Variants in NMNAT1 observed in about 807,000 individuals in gnomAD.
The protein encoded by NMNAT1 is nicotinamide/nicotinic acid mononucleotide adenylyltransferase 1.
Under a neutral mutation model 16.7 loss-of-function variants are expected in NMNAT1, and 11 were observed. The ratio of observed to expected loss-of-function variants is 0.66; its 90% CI spans 0.41 to 1.09. The LOEUF is 1.09. Ranked by LOEUF, NMNAT1 falls within the 50% of genes least tolerant of loss-of-function variation. The pLI, the probability that NMNAT1 is intolerant of heterozygous loss-of-function variation, is 0.00. For synonymous variants in NMNAT1, 110 were observed against 119.8 expected, an observed-to-expected ratio of 0.92 and a Z score of 0.53; for missense variants, 280 against 332.3, an observed-to-expected ratio of 0.84 and a Z score of 1.22.
intron 1 of NMNAT1, among the ~76,000 whole-genome samples, chr1:9,964,874 G>A (rs1348905759): frequency 6.7e-6 from 1 of 149,502 alleles, no homozygotes; most frequent in Non-Finnish European, 1.5e-5. Flanking sequence ...CTTGAGCCAG[G>A]GAGGTAGAGG....
chr1:9,971,947 G>A (rs1032161100), intron 1 of NMNAT1, 71 bp from the exon 2 acceptor site: 2 of 663,488 alleles, frequency 3.0e-6, no homozygotes, highest in Non-Finnish European at 5.5e-6. Context: ...TCTAGCCAGG[G>A]TGGCAGAGCA....
At chr1:9,972,760 C>A (rs1286311708) in intron 2 of NMNAT1, among the ~76,000 whole-genome samples, 2 of 152,044 alleles carry the variant, frequency 1.3e-5, no homozygotes, top group African/African-American at 4.8e-5. Flanking sequence ...GAGTTTGAGA[C>A]CAACCTGGGA....
chr1:9,974,208 T>A (rs1377988432), intron 2 of NMNAT1, among the ~76,000 whole-genome samples: 1 of 151,798 alleles, frequency 6.6e-6, no homozygotes, highest in Non-Finnish European at 1.5e-5. Flanking sequence ...CATTTGTGTG[T>A]ATACACAGAT....
chr1:9,961,538 G>A (rs1641407532), intron 1 of NMNAT1, among the ~76,000 whole-genome samples: 1 of 152,114 alleles, frequency 6.6e-6, no homozygotes, highest in Non-Finnish European at 1.5e-5. Context: ...AGTTTTTATG[G>A]GTATCGAGGG....
downstream of NMNAT1, among the ~76,000 whole-genome samples, chr1:9,985,974 G>A (rs946900935): frequency 2.0e-5 from 3 of 152,150 alleles, no homozygotes; most frequent in African/African-American, 7.2e-5. Context: ...ACCTGTCATA[G>A]TGGTGCCTGG....
At chr1:9,981,609 A>G (rs1057240870) in intron 4 of NMNAT1, 1 of 157,524 alleles carries the variant, frequency 6.3e-6, no homozygotes, top group African/African-American at 2.4e-5. Flanking sequence ...GGCCCCAAGC[A>G]GTCCTCCTGC....
chr1:9,969,306 T>C (rs1054873445), intron 1 of NMNAT1, among the ~76,000 whole-genome samples: 2 of 152,060 alleles, frequency 1.3e-5, no homozygotes, highest in Non-Finnish European at 2.9e-5. Context: ...ATGAGTAGAA[T>C]ACCATAAACA....
chr1:9,949,492 C>CT (rs1399692871), intron 1 of NMNAT1: 25 of 145,960 alleles, frequency 1.7e-4, no homozygotes, highest in African/African-American at 5.5e-4. Context: ...TCACTGCAAC[C>CT]TCCACCTCCT....
At chr1:9,970,666 G>A (rs1342081396) in intron 1 of NMNAT1, among the ~76,000 whole-genome samples, 1 of 150,440 alleles carries the variant, frequency 6.6e-6, no homozygotes, top group East Asian at 1.9e-4. Flanking sequence ...TCCAGCCTGG[G>A]CAACAGAGTG....
At chr1:9,945,938 G>C (rs932643693) in intron 1 of NMNAT1, among the ~76,000 whole-genome samples, 1 of 152,074 alleles carries the variant, frequency 6.6e-6, no homozygotes, top group Non-Finnish European at 1.5e-5. Context: ...ATTTTTTGTA[G>C]AGATGAGGTT....
intron 1 of NMNAT1, among the ~76,000 whole-genome samples, chr1:9,962,359 G>A (rs996466235): frequency 6.6e-6 from 1 of 151,392 alleles, no homozygotes; most frequent in South Asian, 2.1e-4. Flanking sequence ...GTGGGCGCCT[G>A]CAGTCCCAGC....
At chr1:9,995,595 G>A in the NMNAT1 span, among the ~76,000 whole-genome samples, 2 of 152,160 alleles carry the variant, frequency 1.3e-5, no homozygotes, top group African/African-American at 4.8e-5. Flanking sequence ...TCAGGAGGCT[G>A]AGGCAGGAGA....
intron 3 of NMNAT1, among the ~76,000 whole-genome samples, chr1:9,980,776 C>T (rs1641928957): frequency 6.6e-6 from 1 of 151,420 alleles, no homozygotes; most frequent in Admixed American, 6.6e-5. Flanking sequence ...CCTGCCTCAG[C>T]CTCCCGAGTA....
intron 1 of NMNAT1, among the ~76,000 whole-genome samples, chr1:9,966,676 A>G (rs1641551623): frequency 6.6e-6 from 1 of 152,160 alleles, no homozygotes; most frequent in African/African-American, 2.4e-5. Flanking sequence ...TACAATAGCA[A>G]AGTTATTTTT....
chr1:9,950,578 T>G (rs1398336308), intron 1 of NMNAT1: 1 of 152,300 alleles, frequency 6.6e-6, no homozygotes, highest in Non-Finnish European at 1.5e-5. Flanking sequence ...TGGCTCAGAC[T>G]GTTGGGTTAG....
At chr1:9,946,607 G>A (rs189442465) in intron 1 of NMNAT1, among the ~76,000 whole-genome samples, 19 of 152,346 alleles carry the variant, frequency 1.2e-4, no homozygotes, top group Admixed American at 1.1e-3. Flanking sequence ...GCCTTAAATA[G>A]CTTGTACCAT....
chr1:9,973,850 C>T (rs1407366623), intron 2 of NMNAT1, among the ~76,000 whole-genome samples: 1 of 150,800 alleles, frequency 6.6e-6, no homozygotes, highest in Non-Finnish European at 1.5e-5. Flanking sequence ...GTGGCGAAAC[C>T]TTGACTCTAC....
chr1:9,962,728 C>T lies in NMNAT1; in HGVS notation c.-56-9290C>T, dbSNP rs1371370205. Among the ~76,000 whole-genome samples the T allele has an allele frequency of 2.6e-5, 3 of 116,626 alleles. No homozygotes were observed. The East Asian group carries it at 8.6e-4, about 33-fold the overall frequency. The allele number at this position is 116,626 out of a possible 152,430, so 76.5% of individuals were successfully genotyped here. On this transcript the variant is annotated intron_variant, in intron 1 of 4. Coordinates refer to ENST00000377205, the MANE Select transcript of NMNAT1 (RefSeq NM_022787.4). The stretch of plus-strand genomic sequence containing the variant: ...ACGGAGTCTTGCTCTGTAGCCCAGG[C>T]TGGAGTGCAGTGGCGCGATCTCGGC...
rs148650540 is a variant in NMNAT1 at position 9,982,629 on chromosome 1, T to A, written c.768T>A (p.Ser256=). 1 of 1,614,162 alleles carries A rather than the reference T, an allele frequency of 6.2e-7. No individual in the cohort carries two copies. The highest frequency in any genetic ancestry group is 8.5e-7 in the Non-Finnish European group (1 of 1,180,030). ...EYIEKHNLYS[S]ESEDRNAGVI... is the part of the protein sequence containing the mutation. ...TTGAAAAGCATAATTTGTACAGCTC[T>A]GAGAGTGAAGACAGGAATGCTGGGG... The change falls in exon 5 of 5, where the codon TCT becomes TCA. Residue 256 remains serine, a synonymous_variant. Transcript: ENST00000377205.
Sources: allele counts gnomAD v4.1 joint callset (sites outside exome capture counted in the v4.1 genomes callset), GRCh38; gene constraint gnomAD v4.1.1; transcripts MANE v1.5; gene names NCBI Gene and HGNC (gene_info 2026-07-23, HGNC 2026-07-21).